The following GSN variants were observed in gnomAD, a reference collection of about 807,000 sequenced individuals.
The protein encoded by GSN is gelsolin.
Under a neutral mutation model 85.7 loss-of-function variants are expected in GSN, and 56 were observed. The ratio of observed to expected loss-of-function variants is 0.65; its 90% confidence interval spans 0.53 to 0.82. The LOEUF is 0.82. Among genes scored for constraint, GSN ranks in the 40% least tolerant of loss-of-function variants. The pLI, the probability that GSN is intolerant of heterozygous loss-of-function variation, is 0.00. For missense variants in GSN, 857 were observed against 979.8 expected (o/e 0.87, Z 1.67); for synonymous variants, 373 against 399.1 (o/e 0.93, Z 0.78).
intron 11 of GSN, among the ~76,000 whole-genome samples, chr9:121,324,262 C>A (rs2062868259): frequency 6.6e-6 from 1 of 152,226 alleles, no homozygotes; most frequent in Non-Finnish European, 1.5e-5. Flanking sequence ...CTCAGAGCAT[C>A]TTCTCTGTGG....
upstream of GSN, chr9:121,203,264 T>G (rs1403577548): frequency 6.7e-6 from 1 of 150,254 alleles, no homozygotes; most frequent in Non-Finnish European, 1.5e-5. Context: ...CTAGATAGAG[T>G]GTCTGCACTT....
rs2054403810 is a variant in GSN, at chr9:121,232,194, G to C, written c.-389+891G>C. ...TTATAATGTGGTACAATGTAGACTG[G>C]TTTTCCTTGAGGTCAGGGACTGGAC... On this transcript the variant is annotated intron_variant, in intron 5 of 24. Coordinates refer to the GSN transcript ENST00000373823. Among the ~76,000 whole-genome samples the C allele has an allele frequency of 2.0e-5, 3 of 152,228 alleles. No individual in the cohort carries two copies. The South Asian group carries it at 6.2e-4, about 31-fold the overall frequency.
chr9:121,247,469 T>C (rs942908717), intron 5 of GSN, among the ~76,000 whole-genome samples: 7 of 152,224 alleles, frequency 4.6e-5, no homozygotes, highest in Admixed American at 2.0e-4. Context: ...ATTGAGAACA[T>C]CCTGACTCAC....
chr9:121,245,669 C>T (rs549104370), intron 5 of GSN, among the ~76,000 whole-genome samples: 3 of 152,298 alleles, frequency 2.0e-5, no homozygotes. Flanking sequence ...TCCCTTTTAT[C>T]TTTAGAAAAC....
intron 1 of GSN, chr9:121,207,926 T>C (rs2053910375): frequency 1.6e-5 from 1 of 63,028 alleles, no homozygotes; most frequent in Non-Finnish European, 3.1e-5. Flanking sequence ...GGCTAATATG[T>C]GTGTGTGTGT....
intron 2 of GSN, among the ~76,000 whole-genome samples, chr9:121,291,821 G>A (rs1007202918): frequency 6.6e-6 from 1 of 152,194 alleles, no homozygotes; most frequent in Non-Finnish European, 1.5e-5. Context: ...GAAGCTCAGA[G>A]AGGTTGTGTC....
chr9:121,202,373 C>T, the GSN span, among the ~76,000 whole-genome samples: 2 of 152,160 alleles, frequency 1.3e-5, no homozygotes, highest in Non-Finnish European at 2.9e-5. Context: ...GTCCAACAAA[C>T]GTCGGAGGCA....
At chr9:121,223,257 T>A (rs2054205567) in intron 4 of GSN, among the ~76,000 whole-genome samples, 2 of 152,158 alleles carry the variant, frequency 1.3e-5, no homozygotes, top group African/African-American at 4.8e-5. Flanking sequence ...AATTCTCATT[T>A]TAGAGAGATA....
Position 121,318,364 on chromosome 9 carries a change from C to G in GSN, c.887-42C>G. The G allele has an allele frequency of 6.8e-7, 1 of 1,479,344 alleles. No homozygotes were observed. Among genetic ancestry groups the G allele is most frequent in the Non-Finnish European group, 9.5e-7 (1 of 1,057,082 alleles). 91.6% of individuals were successfully genotyped at this position (1,479,344 alleles called of 1,614,324 possible). A position where few individuals can be genotyped will look rare whatever the true frequency, so the allele number is the denominator to read the frequency against. On this transcript the variant is annotated intron_variant, in intron 8 of 17. Transcript: ENST00000432226. This position sits in a 1 kb window ranked among gnomAD's most constrained non-coding sequence, Gnocchi z 4.3. ...TTAAAGGTCAGGATGCAGCAGGATC[C>G]CGGGCCTCTAACCCTCCATCACTTC...
At chr9:121,286,298 C>T (rs1194427457) in intron 2 of GSN, 1 of 690,220 alleles carries the variant, frequency 1.4e-6, no homozygotes, top group Non-Finnish European at 2.4e-6. Flanking sequence ...AGCCAGGCCC[C>T]CTGCAGAGAT....
At chr9:121,316,976 G>A in intron 7 of GSN, 110 bp from the exon 8 acceptor site, 2 of 1,370,910 alleles carry the variant, frequency 1.5e-6, no homozygotes, top group Admixed American at 1.7e-5. Flanking sequence ...AAGCCCAGGT[G>A]TTACTCTACA....
chr9:121,306,518 A>G (rs562333011), intron 4 of GSN, among the ~76,000 whole-genome samples: 2 of 152,348 alleles, frequency 1.3e-5, no homozygotes, highest in East Asian at 3.9e-4. Flanking sequence ...TATAGTGGCT[A>G]ATTTCTTTCT....
At chr9:121,201,790 G>A in the GSN span, 2 of 152,536 alleles carry the variant, frequency 1.3e-5, no homozygotes, top group Non-Finnish European at 2.9e-5. Context: ...CAGACGCGCC[G>A]GCAGCAGTAG....
intron 14 of GSN, 33 bp downstream of exon 14, chr9:121,327,515 C>T (rs781281349): frequency 2.6e-5 from 40 of 1,516,778 alleles, no homozygotes; most frequent in South Asian, 1.8e-4. Flanking sequence ...TGCTGCTGTC[C>T]GGATGCAGCT....
At chr9:121,269,390 A>T (rs888703068) in intron 1 of GSN, among the ~76,000 whole-genome samples, 2 of 152,172 alleles carry the variant, frequency 1.3e-5, no homozygotes, top group Admixed American at 6.5e-5. Context: ...ATTGTCACAC[A>T]GTGAGGCAGG....
At chr9:121,225,400 T>C (rs142551868) in intron 4 of GSN, among the ~76,000 whole-genome samples, 55 of 152,356 alleles carry the variant, frequency 3.6e-4, no homozygotes, top group African/African-American at 1.3e-3. Flanking sequence ...AGGCCAATTA[T>C]AGGATTAGCA....
chr9:121,324,093 T>C (rs966392556), intron 11 of GSN, among the ~76,000 whole-genome samples: 3 of 152,326 alleles, frequency 2.0e-5, no homozygotes, highest in South Asian at 2.1e-4. Flanking sequence ...TGGACCTTTT[T>C]GGTGAACATC....
chr9:121,288,960 A>G (rs1166570447), intron 2 of GSN, among the ~76,000 whole-genome samples: 1 of 152,186 alleles, frequency 6.6e-6, no homozygotes, highest in Non-Finnish European at 1.5e-5. Flanking sequence ...GCACAGTCAC[A>G]GGGTATGTGA....
chr9:121,301,999 A>G lies in GSN; in HGVS notation c.28A>G (p.Lys10Glu). ...GGTGGTGGAACACCCCGAGTTCCTCAAGGCAGGGAAGGAGCCTGGCCTGCA... is the reference window on the plus strand; with the variant it reads ...GGTGGTGGAACACCCCGAGTTCCTCGAGGCAGGGAAGGAGCCTGGCCTGCA... MVVEHPEFL[K>E]AGKEPGLQIW... Residue 10 changes from lysine to glutamate, a missense_variant, in exon 3 of 18, where the codon AAG becomes GAG. Transcript: ENST00000432226. 6.2e-7 allele frequency: 1 copy of G among 1,614,192 alleles called. No homozygotes were observed. The highest frequency in any genetic ancestry group is 1.3e-5 in the African/African-American group (1 of 75,052).
Sources: allele counts gnomAD v4.1 joint callset (sites outside exome capture counted in the v4.1 genomes callset), GRCh38; gene constraint gnomAD v4.1.1; non-coding constraint Gnocchi (gnomAD v3.1); transcripts MANE v1.5; gene names NCBI Gene and HGNC (gene_info 2026-07-23, HGNC 2026-07-21).